BCR: variants seen among roughly 807,000 people sequenced by gnomAD.
The protein encoded by BCR is BCR activator of RhoGEF and GTPase.
In BCR, 58 loss-of-function variants were observed where a neutral mutation model predicts 138.6. The observed-to-expected ratio is 0.42, with a 90% CI of 0.34 to 0.52. BCR has a LOEUF of 0.52. Among genes scored for constraint, BCR ranks in the 20% least tolerant of loss-of-function variants. The pLI is 0.06. For missense variants in BCR, 1,599 were observed against 1,727.2 expected, an observed-to-expected ratio of 0.93 and a Z score of 1.32; for synonymous variants, 786 against 730.1, an observed-to-expected ratio of 1.08 and a Z score of -1.23.
chr22:23,211,320 C>A (rs1026653620), intron 1 of BCR, among the ~76,000 whole-genome samples: 21 of 152,040 alleles, frequency 1.4e-4, no homozygotes, highest in Non-Finnish European at 2.6e-4. Context: ...GCCTCAGCCT[C>A]CCAAGTAGCT....
intron 16 of BCR, chr22:23,306,031 C>A (rs981749195): frequency 6.6e-6 from 1 of 152,264 alleles, no homozygotes; most frequent in Non-Finnish European, 1.5e-5. Flanking sequence ...AGCTGAGGCA[C>A]AGGCCTCATT....
intron 4 of BCR, chr22:23,263,698 G>C (rs952292053): frequency 1.1e-5 from 16 of 1,396,380 alleles, no homozygotes; most frequent in Non-Finnish European, 1.6e-5. Flanking sequence ...CAGCACCTTC[G>C]CTGCCAAGTA....
In BCR at chr22:23,292,530, T is replaced by C; in HGVS notation, c.2783-11T>C. ...ACCTGTGACCTTCTCCATGTCCACT[T>C]CTCCCCACAGATCTGTACTGCACCC... is the stretch of plus-strand genomic sequence containing the variant. On this transcript the variant is annotated splice_polypyrimidine_tract_variant and intron_variant, in intron 14 of 22. Coordinates refer to ENST00000305877, the MANE Select transcript of BCR (RefSeq NM_004327.4). 1 of 1,606,016 alleles carries C rather than the reference T, an allele frequency of 6.2e-7. No homozygotes were observed. Among genetic ancestry groups the C allele is most frequent in the Non-Finnish European group, 8.5e-7 (1 of 1,173,166 alleles).
chr22:23,181,632 G>C lies in BCR; in HGVS notation c.672G>C (p.Gly224=). ...AGCACGGCGCGGGCTCGAGCGTGGG[G>C]GATGCATCCAGGCCCCCTTACCGGG... is the stretch of plus-strand genomic sequence containing the variant. ...KSQHGAGSSV[G]DASRPPYRGR... is the part of the protein sequence containing the mutation. The change falls in exon 1 of 23, where the codon GGG becomes GGC. Residue 224 remains glycine, a synonymous_variant. Transcript: ENST00000305877. 6.2e-7 allele frequency: 1 copy of C among 1,610,870 alleles called. No homozygotes were observed. Among genetic ancestry groups the C allele is most frequent in the Middle Eastern group, 1.6e-4 (1 of 6,062 alleles).
chr22:23,219,263 A>T (rs2072794356), intron 1 of BCR, among the ~76,000 whole-genome samples: 1 of 152,176 alleles, frequency 6.6e-6, no homozygotes, highest in Admixed American at 6.5e-5. Flanking sequence ...AGTCGGTGAA[A>T]GCTGAGCGTG....
intron 16 of BCR, among the ~76,000 whole-genome samples, chr22:23,296,637 A>G (rs2073848435): frequency 1.3e-5 from 2 of 152,206 alleles, no homozygotes; most frequent in African/African-American, 4.8e-5. Context: ...GGCTCCCTAT[A>G]CTTTGAGATC....
rs189814131 is a variant in BCR, at chr22:23,285,038, C to T, written c.2243C>T (p.Thr748Met). The part of the protein sequence containing the change: ...TKLKKQSGGK[T>M]QQYDCKWYIP... The stretch of plus-strand genomic sequence containing the variant: ...TCTTCTCTCCCCATCCCCAGCAAAA[C>T]GCAGCAGTATGACTGCAAATGGTAC... Residue 748 changes from threonine to methionine, a missense_variant, in exon 10 of 23, where the codon ACG (threonine) becomes ATG (methionine). Thr to Met is a moderately conservative substitution (Grantham distance 81, BLOSUM62 -1). Coordinates refer to ENST00000305877, the MANE Select transcript of BCR (RefSeq NM_004327.4). 15 of 1,612,724 alleles carry T rather than the reference C, an allele frequency of 9.3e-6. No homozygotes were observed. Among genetic ancestry groups the T allele is most frequent in the Middle Eastern group, 1.7e-4 (1 of 6,058 alleles).
At chr22:23,194,466 A>C (rs1470653727) in intron 1 of BCR, among the ~76,000 whole-genome samples, 1 of 148,788 alleles carries the variant, frequency 6.7e-6, no homozygotes, top group South Asian at 2.1e-4. Context: ...GCTGGAGTGC[A>C]GTGGAGCAAT....
In BCR at chr22:23,315,548, G is replaced by A. The variant is rs180812; in HGVS notation, c.*26G>A. On this transcript the variant is annotated 3_prime_UTR_variant, in exon 23 of 23. Coordinates refer to ENST00000305877, the MANE Select transcript of BCR (RefSeq NM_004327.4). ...AGGTCCCAGTCCATCTCCTGGAGGCGGACAGATGGCCTGGAAACCTCTGGC... is the reference window on the plus strand; with the variant it reads ...AGGTCCCAGTCCATCTCCTGGAGGCAGACAGATGGCCTGGAAACCTCTGGC... 0.4 allele frequency: 634,346 copies of A among 1,603,878 alleles called. 127,495 individuals are homozygous for A. The highest frequency in any genetic ancestry group is 0.6 in the East Asian group (26,874 of 44,786).
intron 4 of BCR, chr22:23,264,331 T>C: frequency 1.0e-6 from 1 of 987,430 alleles, no homozygotes; most frequent in Non-Finnish European, 1.6e-6. Context: ...TCTTACAACC[T>C]CCACGTCCTG....
chr22:23,309,176 G>A (rs1277958445), intron 16 of BCR, among the ~76,000 whole-genome samples: 250 of 149,982 alleles, frequency 1.7e-3, no homozygotes, highest in African/African-American at 5.1e-3. Context: ...CCAACTGGGC[G>A]GGGCAGAGGG....
chr22:23,223,140 TG>T (rs1259937390), intron 1 of BCR, among the ~76,000 whole-genome samples: 1 of 152,056 alleles, frequency 6.6e-6, no homozygotes, highest in Non-Finnish European at 1.5e-5. Context: ...ATTATCACAT[TG>T]GGGGTTAGAC....
intron 4 of BCR, chr22:23,264,410 C>T (rs1212237026): frequency 9.3e-6 from 7 of 752,658 alleles, no homozygotes; most frequent in Non-Finnish European, 1.7e-5. Flanking sequence ...GAGTCAGGGA[C>T]CTCTCTTGCA....
intron 1 of BCR, among the ~76,000 whole-genome samples, chr22:23,201,567 C>A (rs1292505096): frequency 6.6e-6 from 1 of 152,180 alleles, no homozygotes; most frequent in Non-Finnish European, 1.5e-5. Flanking sequence ...ATGCCATTCT[C>A]CTGCCTCCGC....
At chr22:23,289,883 G>A (rs1282638088) in intron 13 of BCR, 25 of 548,032 alleles carry the variant, frequency 4.6e-5, no homozygotes, top group African/African-American at 7.6e-5. Context: ...TGCAGCAGAC[G>A]CTCCTCAGAT....
chr22:23,238,410 G>A (rs778857188), intron 1 of BCR, among the ~76,000 whole-genome samples: 1 of 152,034 alleles, frequency 6.6e-6, no homozygotes, highest in Non-Finnish European at 1.5e-5. Flanking sequence ...CCCACACCTG[G>A]AACATCTTAA....
chr22:23,229,802 C>G (rs1286222648), intron 1 of BCR, among the ~76,000 whole-genome samples: 2 of 152,212 alleles, frequency 1.3e-5, no homozygotes. Flanking sequence ...GCAGTTCCCC[C>G]CTGAGGGTCC....
intron 1 of BCR, among the ~76,000 whole-genome samples, chr22:23,197,747 GGTGAGTTTGGCAAAA>G (rs1569241327): frequency 6.6e-6 from 1 of 152,162 alleles, no homozygotes; most frequent in Non-Finnish European, 1.5e-5. Flanking sequence ...GCCTTGGGAA[GGTGAGTTTGGCAAAA>G]GTGTGTGTGA....
At chr22:23,301,121 T>C (rs772596309) in intron 16 of BCR, among the ~76,000 whole-genome samples, 4 of 152,166 alleles carry the variant, frequency 2.6e-5, no homozygotes, top group Non-Finnish European at 5.9e-5. Context: ...CTGACCAACA[T>C]GGTGAAACCC....
Sources: allele counts gnomAD v4.1 joint callset (sites outside exome capture counted in the v4.1 genomes callset), GRCh38; gene constraint gnomAD v4.1.1; transcripts MANE v1.5; gene names NCBI Gene and HGNC (gene_info 2026-07-23, HGNC 2026-07-21).